Variants in PCDHA2 observed in about 807,000 individuals in gnomAD.
PCDHA2 encodes protocadherin alpha 2.
PCDHA2 carries 58 observed loss-of-function variants against 66.0 expected under a neutral mutation model. That is an observed-to-expected ratio of 0.88 (90% CI 0.71 to 1.09). PCDHA2 has a LOEUF of 1.09. Among genes scored for constraint, PCDHA2 ranks in the 50% least tolerant of loss-of-function variants. The probability of loss-of-function intolerance (pLI) is 0.00; values close to 1 mark genes in which losing one functional copy is unlikely to be tolerated. For missense variants in PCDHA2, 1,267 were observed against 1,242.3 expected (o/e 1.02, Z -0.30); for synonymous variants, 634 against 554.0 (o/e 1.14, Z -2.03).
chr5:140,955,647 T>G (rs1395732517), intron 1 of PCDHA2, among the ~76,000 whole-genome samples: 1 of 152,116 alleles, frequency 6.6e-6, no homozygotes, highest in Non-Finnish European at 1.5e-5. Context: ...AACAAATTAA[T>G]ACACATATGA....
At chr5:140,801,558 G>C (rs782460705) in intron 1 of PCDHA2, 2 of 1,614,278 alleles carry the variant, frequency 1.2e-6, no homozygotes, top group South Asian at 2.2e-5. Context: ...CCATGTGGAG[G>C]TGGAAGTGAA....
At chr5:140,991,214 A>G (rs922136535) in intron 3 of PCDHA2, among the ~76,000 whole-genome samples, 4 of 152,202 alleles carry the variant, frequency 2.6e-5, no homozygotes, top group Non-Finnish European at 4.4e-5. Context: ...AATTTTGTTA[A>G]ATTCATTAAT....
At chr5:140,871,488 C>G (rs370808040) in intron 1 of PCDHA2, 14 of 1,591,168 alleles carry the variant, frequency 8.8e-6, no homozygotes, top group African/African-American at 1.3e-5. Context: ...CAAATCACCC[C>G]GGACAGGTGA....
chr5:140,822,263 C>A, intron 1 of PCDHA2: 1 of 1,614,228 alleles, frequency 6.2e-7, no homozygotes, highest in Non-Finnish European at 8.5e-7. Flanking sequence ...GATATTGGAG[C>A]AAATGCACAA....
chr5:140,993,363 C>T (rs925225156), intron 3 of PCDHA2, among the ~76,000 whole-genome samples: 1 of 151,918 alleles, frequency 6.6e-6, no homozygotes, highest in Non-Finnish European at 1.5e-5. Context: ...CTCACAAAAA[C>T]TACCTCCCAG....
At chr5:140,892,673 T>C (rs1554185319) in intron 1 of PCDHA2, among the ~76,000 whole-genome samples, 1 of 152,262 alleles carries the variant, frequency 6.6e-6, no homozygotes, top group East Asian at 1.9e-4. Flanking sequence ...TTGATACATA[T>C]ATACAATGTA....
At chr5:140,876,192 G>A (rs782181168) in intron 1 of PCDHA2, 6 of 1,613,732 alleles carry the variant, frequency 3.7e-6, no homozygotes, top group African/African-American at 1.3e-5. Context: ...ACAATGGTCC[G>A]GCGTTTGATA....
intron 1 of PCDHA2, chr5:140,968,996 G>T: frequency 1.2e-6 from 2 of 1,614,202 alleles, no homozygotes; most frequent in Non-Finnish European, 1.7e-6. Flanking sequence ...ATGCTGTGGA[G>T]GCTTCTGTGG....
intron 1 of PCDHA2, chr5:140,858,353 G>A (rs782457995): frequency 6.3e-7 from 1 of 1,593,918 alleles, no homozygotes; most frequent in Non-Finnish European, 8.6e-7. Context: ...GGACCTCATG[G>A]CCTTCAGCCC....
rs186574903 is a variant in PCDHA2, at chr5:140,898,271, A to T, written c.2389-80678A>T. On this transcript the variant is annotated intron_variant, in intron 1 of 3. Transcript: ENST00000526136. The stretch of plus-strand genomic sequence containing the variant: ...AGACATGAAGTCCTTGCCCATGCCT[A>T]AGTTCTGAATGGTAATGCCTAGGTT... 4.6e-3 allele frequency among the ~76,000 whole-genome samples: 703 copies of T among 152,290 alleles called. 3 individuals carry two copies. The highest frequency in any genetic ancestry group is 0.016 in the African/African-American group (680 of 41,550).
chr5:140,840,795 A>T (rs1395855837), intron 1 of PCDHA2, among the ~76,000 whole-genome samples: 1 of 152,122 alleles, frequency 6.6e-6, no homozygotes, highest in African/African-American at 2.4e-5. Flanking sequence ...TGCTCACCTC[A>T]GAGTAATATA....
chr5:140,856,012 G>A lies in PCDHA2; in HGVS notation c.2388+58660G>A, dbSNP rs1158329125. 3 of 1,546,896 alleles carry A rather than the reference G, an allele frequency of 1.9e-6. No homozygotes were observed. The East Asian group carries it at 6.8e-5, about 35-fold the overall frequency. ...TCAGATCGTATGTGCGTTCTAGACC[G>A]CTGATTCGTCGATTTGTAAAACAAG... is the stretch of plus-strand genomic sequence containing the variant. On this transcript the variant is annotated intron_variant, in intron 1 of 3. Coordinates refer to ENST00000526136, the MANE Select transcript of PCDHA2 (RefSeq NM_018905.3).
intron 1 of PCDHA2, chr5:140,870,430 G>A: frequency 6.2e-7 from 1 of 1,614,226 alleles, no homozygotes; most frequent in Non-Finnish European, 8.5e-7. Context: ...GGTATCCGTG[G>A]AGGTGGCCGA....
chr5:140,973,486 C>G (rs1404281642), intron 1 of PCDHA2, among the ~76,000 whole-genome samples: 1 of 152,162 alleles, frequency 6.6e-6, no homozygotes, highest in African/African-American at 2.4e-5. Context: ...ATATTGGTCA[C>G]AGGACTCTTC....
intron 1 of PCDHA2, chr5:140,801,234 T>TA: frequency 6.2e-7 from 1 of 1,612,804 alleles, no homozygotes; most frequent in Non-Finnish European, 8.5e-7. Context: ...TGGAGCCCAG[T>TA]GCCTGCTGCT....
chr5:140,927,191 T>G, intron 1 of PCDHA2: 1 of 1,614,144 alleles, frequency 6.2e-7, no homozygotes. Flanking sequence ...TACGACCTGG[T>G]GCTCGAGGAC....
At chr5:140,877,724 C>A in intron 1 of PCDHA2, 1 of 1,614,150 alleles carries the variant, frequency 6.2e-7, no homozygotes, top group Non-Finnish European at 8.5e-7. Context: ...TGGTCTTACT[C>A]GCAGCAGAGG....
At chr5:140,927,896 A>C in intron 1 of PCDHA2, 1 of 1,614,200 alleles carries the variant, frequency 6.2e-7, no homozygotes, top group East Asian at 2.2e-5. Flanking sequence ...GACGTGAACG[A>C]TCATGCCCCC....
chr5:140,831,947 A>G (rs1581926108), intron 1 of PCDHA2, among the ~76,000 whole-genome samples: 1 of 152,334 alleles, frequency 6.6e-6, no homozygotes, highest in East Asian at 1.9e-4. Flanking sequence ...AGAGGAAAAG[A>G]AAAACTTTAT....
Sources: gnomAD v4.1 joint callset for allele counts (sites outside exome capture counted in the v4.1 genomes callset) on GRCh38, gnomAD v4.1.1 for gene constraint, MANE v1.5 for transcripts, NCBI Gene and HGNC (gene_info 2026-07-23, HGNC 2026-07-21) for gene names.